TMEM117: variants seen among roughly 807,000 people sequenced by gnomAD.
The protein encoded by TMEM117 is transmembrane protein 117.
TMEM117 carries 27 observed loss-of-function variants against 52.4 expected under a neutral mutation model. That is an observed-to-expected ratio of 0.51 (90% CI 0.38 to 0.71). The LOEUF is 0.71. TMEM117 is among the 30% of genes least tolerant of loss of function. TMEM117 has a pLI of 0.00. For synonymous variants in TMEM117, 215 were observed against 206.3 expected (o/e 1.04, Z -0.36); for missense variants, 556 against 630.5 (o/e 0.88, Z 1.26).
At chr12:43,916,714 G>C (rs965661565) in intron 2 of TMEM117, among the ~76,000 whole-genome samples, 1 of 152,148 alleles carries the variant, frequency 6.6e-6, no homozygotes, top group African/African-American at 2.4e-5. Context: ...AGTCCTGATG[G>C]TGTTCTCTCT....
chr12:43,865,860 TTAA>T (rs1050813073), intron 2 of TMEM117, among the ~76,000 whole-genome samples: 17 of 151,786 alleles, frequency 1.1e-4, no homozygotes, highest in African/African-American at 3.9e-4. Flanking sequence ...TAGCCAATAA[TTAA>T]TAATAATTAG....
At chr12:44,165,692 T>C (rs1351376073) in intron 4 of TMEM117, among the ~76,000 whole-genome samples, 6 of 152,178 alleles carry the variant, frequency 3.9e-5, no homozygotes, top group Non-Finnish European at 8.8e-5. Context: ...TAATTACATA[T>C]GCACCTAACA....
intron 6 of TMEM117, among the ~76,000 whole-genome samples, chr12:44,338,286 A>G (rs987441755): frequency 1.3e-5 from 2 of 152,084 alleles, no homozygotes; most frequent in East Asian, 1.9e-4. Flanking sequence ...AATCTATGTC[A>G]GTCTATAAAG....
chr12:43,959,211 A>T (rs1945361749), intron 3 of TMEM117, among the ~76,000 whole-genome samples: 1 of 152,210 alleles, frequency 6.6e-6, no homozygotes, highest in African/African-American at 2.4e-5. Context: ...GGCTGAAAGA[A>T]ATTGTTCAAG....
In TMEM117 at chr12:44,388,839, T is replaced by A; in HGVS notation, c.*167T>A. 1.3e-6 allele frequency: 1 copy of A among 749,704 alleles called. No homozygotes were observed. Among genetic ancestry groups the A allele is most frequent in the South Asian group, 1.9e-5 (1 of 52,228 alleles). The allele number at this position is 749,704 out of a possible 1,614,324, so 46.4% of individuals were successfully genotyped here. ...TTTCTAGGATTCATTGTTTTCTATTTGTATTATAATACACGTGCCTACTGT... is the reference window on the plus strand; with the variant it reads ...TTTCTAGGATTCATTGTTTTCTATTAGTATTATAATACACGTGCCTACTGT... On this transcript the variant is annotated 3_prime_UTR_variant, in exon 8 of 8. Transcript: ENST00000266534.
intron 3 of TMEM117, among the ~76,000 whole-genome samples, chr12:44,134,649 T>C (rs1948463443): frequency 6.6e-6 from 1 of 152,202 alleles, no homozygotes; most frequent in African/African-American, 2.4e-5. Context: ...CCAACCTCAG[T>C]CTACCAACTA....
chr12:43,814,224 C>T, the TMEM117 span, among the ~76,000 whole-genome samples: 1 of 151,840 alleles, frequency 6.6e-6, no homozygotes, highest in Non-Finnish European at 1.5e-5. Context: ...GGAAAAAGCT[C>T]ACTTCCACGA....
the TMEM117 span, chr12:43,806,176 T>A: frequency 6.5e-7 from 1 of 1,537,790 alleles, no homozygotes; most frequent in Non-Finnish European, 8.7e-7. Flanking sequence ...CTCTCCCGGC[T>A]CTCCCGGAAG....
chr12:43,946,863 G>A (rs1945141933), intron 3 of TMEM117, among the ~76,000 whole-genome samples: 1 of 152,192 alleles, frequency 6.6e-6, no homozygotes, highest in South Asian at 2.1e-4. Flanking sequence ...AAAATTGAAA[G>A]TGGTCTTTTT....
intron 4 of TMEM117, among the ~76,000 whole-genome samples, chr12:44,151,162 C>T (rs1253797627): frequency 1.3e-5 from 2 of 152,030 alleles, no homozygotes; most frequent in Non-Finnish European, 2.9e-5. Flanking sequence ...GACATTCCCA[C>T]CAGAGACAGG....
chr12:43,806,056 G>C, the TMEM117 span: 1 of 1,518,394 alleles, frequency 6.6e-7, no homozygotes, highest in Non-Finnish European at 8.8e-7. Context: ...GGCCGGCAGC[G>C]CCCGGGAAGC....
intron 3 of TMEM117, among the ~76,000 whole-genome samples, chr12:43,987,423 CTGTT>C (rs1208109183): frequency 1.3e-5 from 2 of 152,070 alleles, no homozygotes; most frequent in Non-Finnish European, 2.9e-5. Context: ...GTCTTTAATT[CTGTT>C]TAACATATTT....
intron 6 of TMEM117, among the ~76,000 whole-genome samples, chr12:44,365,667 A>G (rs900910608): frequency 3.3e-5 from 5 of 152,064 alleles, no homozygotes; most frequent in African/African-American, 1.2e-4. Context: ...AATGCCTGGC[A>G]CAGAGAAAAT....
chr12:44,351,910 T>C (rs547531109), intron 6 of TMEM117, among the ~76,000 whole-genome samples: 1 of 152,028 alleles, frequency 6.6e-6, no homozygotes, highest in Non-Finnish European at 1.5e-5. Flanking sequence ...CTACACAGCA[T>C]TGGCATTAGT....
intron 4 of TMEM117, among the ~76,000 whole-genome samples, chr12:44,180,864 A>G (rs923819484): frequency 3.3e-5 from 5 of 151,922 alleles, no homozygotes; most frequent in African/African-American, 9.7e-5. Context: ...TTGGGTATAT[A>G]CCCAGTAATG....
At chr12:44,140,124 C>G (rs1000939477) in intron 3 of TMEM117, among the ~76,000 whole-genome samples, 6 of 152,126 alleles carry the variant, frequency 3.9e-5, no homozygotes, top group African/African-American at 9.7e-5. Context: ...GTTATAGCAT[C>G]TAGCACTTAT....
At chr12:44,153,493 A>G (rs767412301) in intron 4 of TMEM117, among the ~76,000 whole-genome samples, 14 of 152,050 alleles carry the variant, frequency 9.2e-5, no homozygotes, top group Non-Finnish European at 1.8e-4. Flanking sequence ...GCACGAAATG[A>G]TATAACCATC....
chr12:44,247,309 C>T (rs907873391), intron 5 of TMEM117, among the ~76,000 whole-genome samples: 2 of 151,938 alleles, frequency 1.3e-5, no homozygotes, highest in Admixed American at 6.6e-5. Flanking sequence ...ATAATACCAC[C>T]GATTAAATTA....
rs11182299 is a variant in TMEM117, at chr12:43,854,466, C to G, written c.277+9538C>G. On this transcript the variant is annotated intron_variant, in intron 2 of 7. Transcript: ENST00000266534. ...TATCCTACTGAAAAAAAAAAAAAGT[C>G]CATAGTGGAATCTGGTTAGAGAAGA... is the stretch of plus-strand genomic sequence containing the variant. Among the ~76,000 whole-genome samples, 527 of 150,516 alleles carry G rather than the reference C, an allele frequency of 3.5e-3. 3 individuals are homozygous for G. The highest frequency in any genetic ancestry group is 0.012 in the African/African-American group (495 of 40,850).
Sources: allele counts gnomAD v4.1 joint callset (sites outside exome capture counted in the v4.1 genomes callset), GRCh38; gene constraint gnomAD v4.1.1; transcripts MANE v1.5; gene names NCBI Gene and HGNC (gene_info 2026-07-23, HGNC 2026-07-21).